HECTD4: variants seen among roughly 807,000 people sequenced by gnomAD.
HECTD4 encodes HECT domain E3 ubiquitin protein ligase 4.
A neutral mutation model predicts 471.5 loss-of-function variants in HECTD4; 114 were observed. That is an observed-to-expected ratio of 0.24 (90% CI 0.21 to 0.28). The LOEUF is 0.28. Ranked by LOEUF, HECTD4 falls within the 10% of genes least tolerant of loss-of-function variation. HECTD4 has a pLI of 1.00. For synonymous variants in HECTD4, 2,012 were observed against 2,256.0 expected (o/e 0.89, Z 3.07); for missense variants, 3,866 against 5,651.5 (o/e 0.68, Z 10.13).
In HECTD4 at chr12:112,243,760, G is replaced by A. The variant is rs776696918; in HGVS notation, c.4651C>T (p.Arg1551Cys). 1.1e-5 allele frequency: 17 copies of A among 1,613,070 alleles called. No homozygotes were observed. The Admixed American group carries it at 1.7e-4, about 16-fold the overall frequency. Reference protein sequence around the residue: ...DLEFTRANQRRRHVTSHRSSS... With the variant: ...DLEFTRANQRCRHVTSHRSSS... ...CTGCGGTGGCTGGTCACGTGGCGAC[G>A]CCTACGGGGAACACAGAACAGACTG... Residue 1551 changes from arginine to cysteine, a missense_variant and splice_region_variant, in exon 31 of 76, where the codon CGT (arginine) becomes TGT (cysteine). Around this residue, in one of 16 missense-constraint regions of HECTD4, gnomAD observed 229 missense variants for 386.4 expected, o/e 0.59. Coordinates refer to ENST00000682272, the MANE Select transcript of HECTD4 (RefSeq NM_001388303.1). The surrounding 1 kb of genome is among the most constrained non-coding windows in gnomAD (Gnocchi z 6.6).
intron 1 of HECTD4, among the ~76,000 whole-genome samples, chr12:112,320,922 C>G (rs898705455): frequency 1.3e-5 from 2 of 151,596 alleles, no homozygotes; most frequent in African/African-American, 2.4e-5. Context: ...TCTCAGCTCA[C>G]TGCAACCTCC....
At chr12:112,250,924 T>A in intron 24 of HECTD4, 47 bp downstream of exon 24, 1 of 1,533,542 alleles carries the variant, frequency 6.5e-7, no homozygotes, top group Non-Finnish European at 8.8e-7. Flanking sequence ...CATAAAGTCC[T>A]TTTTCCTTTG....
At chr12:112,376,496 G>A (rs571172853) in intron 1 of HECTD4, among the ~76,000 whole-genome samples, 10 of 151,756 alleles carry the variant, frequency 6.6e-5, no homozygotes, top group African/African-American at 1.9e-4. Context: ...TCTGCCCGCC[G>A]TGGCCTCCCA....
chr12:112,223,427 TTTC>T, intron 44 of HECTD4, among the ~76,000 whole-genome samples: 1 of 152,352 alleles, frequency 6.6e-6, no homozygotes, highest in East Asian at 1.9e-4. Context: ...TTTTTCTTTC[TTTC>T]TTCTTTTTAG....
chr12:112,314,667 G>C, intron 2 of HECTD4, 121 bp from the exon 3 acceptor site: 1 of 645,012 alleles, frequency 1.6e-6, no homozygotes, highest in Admixed American at 2.4e-5. Flanking sequence ...TGCTTCTGCT[G>C]GTCAGATGAT....
intron 18 of HECTD4, among the ~76,000 whole-genome samples, chr12:112,260,743 A>ATTT (rs200690215): frequency 2.2e-5 from 3 of 138,730 alleles, no homozygotes; most frequent in Non-Finnish European, 3.2e-5. Context: ...TGCCTGGCTA[A>ATTT]TTTTTTTTTT....
At chr12:112,373,936 G>A (rs1183820266) in intron 1 of HECTD4, among the ~76,000 whole-genome samples, 1 of 150,644 alleles carries the variant, frequency 6.6e-6, no homozygotes. Context: ...CCCGGGAGGC[G>A]AAGGTTGCAG....
intron 17 of HECTD4, 64 bp from the exon 18 acceptor site, chr12:112,261,493 A>T: frequency 4.3e-6 from 6 of 1,393,004 alleles, no homozygotes; most frequent in Non-Finnish European, 6.0e-6. Flanking sequence ...CACAATGACA[A>T]CATGAAATGA....
At chr12:112,337,414 T>G (rs2035977820) in intron 1 of HECTD4, among the ~76,000 whole-genome samples, 2 of 152,128 alleles carry the variant, frequency 1.3e-5, no homozygotes, top group African/African-American at 4.8e-5. Flanking sequence ...AGCAGAAAGG[T>G]TAGCGTTATC....
In HECTD4 at chr12:112,382,243, C is replaced by A. The variant is rs1370414317; in HGVS notation, c.-115G>T. 3 of 881,132 alleles carry A rather than the reference C, an allele frequency of 3.4e-6. No homozygotes were observed. The highest frequency in any genetic ancestry group is 4.4e-6 in the Non-Finnish European group (3 of 677,586). The allele number at this position is 881,132 out of a possible 1,614,324, so 54.6% of individuals were successfully genotyped here. A position where few individuals can be genotyped will look rare whatever the true frequency, so the allele number is the denominator to read the frequency against. ...GGCCGCCGCGCCCGCCAGCGGCGCC[C>A]CACTTGCTGCCTCGCCCGTGCAACT... On this transcript the variant is annotated 5_prime_UTR_variant, in exon 1 of 76. Coordinates refer to ENST00000682272, the MANE Select transcript of HECTD4 (RefSeq NM_001388303.1).
intron 1 of HECTD4, among the ~76,000 whole-genome samples, chr12:112,338,111 C>G (rs1306517048): frequency 1.3e-5 from 2 of 152,160 alleles, no homozygotes; most frequent in Non-Finnish European, 2.9e-5. Context: ...GCACTCCCTC[C>G]AGGGGCTCTA....
chr12:112,253,116 G>A (rs1286625565), intron 22 of HECTD4, among the ~76,000 whole-genome samples: 1 of 149,572 alleles, frequency 6.7e-6, no homozygotes, highest in Non-Finnish European at 1.5e-5. Context: ...GCTCGGCCTT[G>A]AGCATAATTT....
chr12:112,254,215 T>C (rs2033958193), intron 21 of HECTD4, 53 bp from the exon 22 acceptor site: 2 of 1,592,550 alleles, frequency 1.3e-6, no homozygotes, highest in Non-Finnish European at 1.7e-6. Flanking sequence ...AAAAACAACA[T>C]CTACAAATAA....
intron 1 of HECTD4, among the ~76,000 whole-genome samples, chr12:112,330,383 A>G (rs1287183506): frequency 2.0e-5 from 3 of 152,244 alleles, no homozygotes; most frequent in African/African-American, 7.2e-5. Flanking sequence ...TATTTCCACA[A>G]AATTTCTGCA....
chr12:112,333,600 C>A (rs1349197744), intron 1 of HECTD4, among the ~76,000 whole-genome samples: 2 of 152,126 alleles, frequency 1.3e-5, no homozygotes, highest in African/African-American at 4.8e-5. Flanking sequence ...GTAATTCCAG[C>A]ACTTTGGGAG....
chr12:112,214,770 GAGTT>G (rs1459685033), intron 48 of HECTD4, among the ~76,000 whole-genome samples: 1 of 152,180 alleles, frequency 6.6e-6, no homozygotes, highest in Non-Finnish European at 1.5e-5. Flanking sequence ...TGAGATGTCT[GAGTT>G]ATGCTTTGTG....
Position 112,269,246 on chromosome 12 carries a change from G to A in HECTD4, c.2321+458C>T, listed in dbSNP as rs187569626. 2.0e-5 allele frequency among the ~76,000 whole-genome samples: 3 copies of A among 152,198 alleles called. No individual in the cohort carries two copies. The East Asian group carries it at 5.8e-4, about 29-fold the overall frequency. ...TACTTTGCATCAGGCCTTACCTTAG[G>A]AAAACCTCACAAACCCATAAAACAG... On this transcript the variant is annotated intron_variant, in intron 13 of 75. Transcript: ENST00000682272.
chr12:112,340,531 C>T (rs530894336), intron 1 of HECTD4, among the ~76,000 whole-genome samples: 6 of 152,156 alleles, frequency 3.9e-5, no homozygotes, highest in African/African-American at 7.2e-5. Flanking sequence ...CAAGTATAGA[C>T]GAGCTACTGG....
intron 44 of HECTD4, among the ~76,000 whole-genome samples, chr12:112,226,249 A>C (rs2033231646): frequency 6.6e-6 from 1 of 152,044 alleles, no homozygotes; most frequent in South Asian, 2.1e-4. Context: ...ACACACATGC[A>C]AGGATGGATG....
Sources: allele counts gnomAD v4.1 joint callset (sites outside exome capture counted in the v4.1 genomes callset), GRCh38; gene constraint gnomAD v4.1.1; regional missense constraint gnomAD v4.1.1; non-coding constraint Gnocchi (gnomAD v3.1); transcripts MANE v1.5; gene names NCBI Gene and HGNC (gene_info 2026-07-23, HGNC 2026-07-21).